Variants in NPFFR2 observed in about 807,000 individuals in gnomAD.
NPFFR2 encodes G-protein coupled receptor 74.
Under a neutral mutation model 13.1 loss-of-function variants are expected in NPFFR2, and 15 were observed. The ratio of observed to expected loss-of-function variants is 1.15; its 90% confidence interval spans 0.77 to 1.76. The LOEUF (loss-of-function observed/expected upper bound fraction) is 1.76, where lower values mean the gene tolerates loss of function less well. NPFFR2 is among the 40% of genes most tolerant of loss of function. The pLI, the probability that NPFFR2 is intolerant of heterozygous loss-of-function variation, is 0.00. For missense variants in NPFFR2, 572 were observed against 503.5 expected, an observed-to-expected ratio of 1.14 and a Z score of -1.30; for synonymous variants, 190 against 175.7, an observed-to-expected ratio of 1.08 and a Z score of -0.65.
At chr4:72,051,062 G>T (rs1310245014) in intron 1 of NPFFR2, among the ~76,000 whole-genome samples, 3 of 151,834 alleles carry the variant, frequency 2.0e-5, no homozygotes, top group South Asian at 2.1e-4. Flanking sequence ...GAATAGTGCC[G>T]CAATAAACAT....
chr4:72,059,833 T>C lies in NPFFR2; in HGVS notation c.-8+27633T>C, dbSNP rs115520352. 8.0e-3 allele frequency among the ~76,000 whole-genome samples: 1,218 copies of C among 152,260 alleles called. 8 individuals carry two copies. The highest frequency in any genetic ancestry group is 0.017 in the African/African-American group (705 of 41,566). On this transcript the variant is annotated intron_variant, in intron 1 of 3. Coordinates refer to ENST00000308744, the MANE Select transcript of NPFFR2 (RefSeq NM_004885.3). ...CAGACTCAGGCTAATGTTCTATTAT[T>C]ATCTGACCTCCGTAAGTCTCCGCTA...
intron 1 of NPFFR2, among the ~76,000 whole-genome samples, chr4:72,106,743 G>C (rs572741598): frequency 3.3e-5 from 5 of 151,960 alleles, no homozygotes; most frequent in Non-Finnish European, 7.4e-5. Context: ...AGCCAACGGG[G>C]CATCCTTGTT....
intron 1 of NPFFR2, among the ~76,000 whole-genome samples, chr4:72,083,181 A>T (rs1359861062): frequency 2.0e-5 from 3 of 152,150 alleles, no homozygotes; most frequent in Admixed American, 6.6e-5. Flanking sequence ...CGAGATACTG[A>T]TTTAATTTCC....
At chr4:72,124,454 A>G (rs1452473392) in intron 1 of NPFFR2, among the ~76,000 whole-genome samples, 3 of 152,112 alleles carry the variant, frequency 2.0e-5, no homozygotes, top group Non-Finnish European at 4.4e-5. Context: ...TTCTAAGCAA[A>G]AAGAACAAAG....
At chr4:72,073,977 C>T (rs538398508) in intron 1 of NPFFR2, among the ~76,000 whole-genome samples, 27 of 145,596 alleles carry the variant, frequency 1.9e-4, no homozygotes, top group Admixed American at 5.5e-4. Context: ...AAGAAAAAAG[C>T]TATAAGGCAT....
At chr4:72,106,827 T>C (rs373429390) in intron 1 of NPFFR2, among the ~76,000 whole-genome samples, 47 of 152,080 alleles carry the variant, frequency 3.1e-4, no homozygotes, top group African/African-American at 1.1e-3. Flanking sequence ...TAGAAATCAA[T>C]TAGAAAACTA....
At chr4:72,044,782 A>G (rs908139447) in intron 1 of NPFFR2, among the ~76,000 whole-genome samples, 1 of 151,656 alleles carries the variant, frequency 6.6e-6, no homozygotes, top group East Asian at 1.9e-4. Flanking sequence ...CATTCCTTGT[A>G]TATTCTGGAT....
chr4:72,077,783 AT>A (rs951099321), intron 1 of NPFFR2, among the ~76,000 whole-genome samples: 39 of 152,126 alleles, frequency 2.6e-4, no homozygotes, highest in African/African-American at 6.5e-4. Flanking sequence ...CTATTTTACT[AT>A]TTTTTTGTAT....
chr4:72,113,256 A>T (rs371190662), intron 1 of NPFFR2, among the ~76,000 whole-genome samples: 2,717 of 151,912 alleles, frequency 0.018, 87 homozygotes, highest in African/African-American at 0.062. Context: ...GAATTTGGAA[A>T]TTTTTTTTCT....
At chr4:72,042,958 C>G (rs909694491) in intron 1 of NPFFR2, among the ~76,000 whole-genome samples, 3 of 152,178 alleles carry the variant, frequency 2.0e-5, no homozygotes, top group African/African-American at 7.2e-5. Flanking sequence ...TTCATGGCAG[C>G]CCTCCCATCA....
intron 1 of NPFFR2, among the ~76,000 whole-genome samples, chr4:72,079,020 G>T (rs1323810350): frequency 6.7e-6 from 1 of 149,872 alleles, no homozygotes; most frequent in Non-Finnish European, 1.5e-5. Context: ...CATGGTCAAA[G>T]AATCTACATG....
intron 2 of NPFFR2, among the ~76,000 whole-genome samples, chr4:72,137,770 C>T (rs1469761585): frequency 6.6e-6 from 1 of 152,080 alleles, no homozygotes; most frequent in African/African-American, 2.4e-5. Flanking sequence ...CCTTCAAAAG[C>T]CTGTTGTGAG....
At chr4:72,137,824 ATG>A (rs1722465113) in intron 2 of NPFFR2, among the ~76,000 whole-genome samples, 1 of 152,214 alleles carries the variant, frequency 6.6e-6, no homozygotes, top group Non-Finnish European at 1.5e-5. Context: ...AGTGCCTGGA[ATG>A]TGATAACTAC....
intron 1 of NPFFR2, among the ~76,000 whole-genome samples, chr4:72,058,396 G>GT (rs919319037): frequency 1.4e-4 from 4 of 29,100 alleles, no homozygotes; most frequent in Non-Finnish European, 2.9e-4. Context: ...AAAATAAAAA[G>GT]TAAAAAAAAA....
At chr4:72,100,853 G>A (rs1298125464) in intron 1 of NPFFR2, among the ~76,000 whole-genome samples, 3 of 151,878 alleles carry the variant, frequency 2.0e-5, no homozygotes, top group African/African-American at 4.8e-5. Context: ...TTAGAAAAAC[G>A]AATAAATGGC....
intron 2 of NPFFR2, among the ~76,000 whole-genome samples, chr4:72,133,571 G>A (rs946366222): frequency 2.2e-4 from 33 of 152,262 alleles, no homozygotes; most frequent in African/African-American, 6.7e-4. Flanking sequence ...AATAGGGATA[G>A]CATGGAATCT....
rs34623356 is a variant in NPFFR2, at chr4:72,038,901, C to CTTTTTTTTTTTTTTTTTTTTTTTTT, written c.-8+6704_-8+6705insTTTTTTTTTTTTTTTTTTTTTTTTT. 2.3e-5 allele frequency among the ~76,000 whole-genome samples: 2 copies of CTTTTTTTTTTTTTTTTTTTTTTTTT among 86,918 alleles called. 1 individual carries two copies. The allele number at this position is 86,918 out of a possible 152,430, so 57.0% of individuals were successfully genotyped here. Reference sequence around the variant, plus strand: ...TTTTAATTCTTGATTTTTAAATTTCCTTTCTTTTTTTTTTTTTTTTTTTTT... The same window carrying CTTTTTTTTTTTTTTTTTTTTTTTTT: ...TTTTAATTCTTGATTTTTAAATTTCCTTTTTTTTTTTTTTTTTTTTTTTTTTTTCTTTTTTTTTTTTTTTTTTTTT... On this transcript the variant is annotated intron_variant, in intron 1 of 3. Transcript: ENST00000308744.
chr4:72,082,740 A>G (rs1042061649), intron 1 of NPFFR2, among the ~76,000 whole-genome samples: 1 of 152,148 alleles, frequency 6.6e-6, no homozygotes, highest in African/African-American at 2.4e-5. Flanking sequence ...TCGATGTACA[A>G]TAGATATCCA....
intron 1 of NPFFR2, among the ~76,000 whole-genome samples, chr4:72,088,084 G>A (rs530206114): frequency 5.3e-5 from 8 of 151,842 alleles, no homozygotes; most frequent in Non-Finnish European, 8.8e-5. Context: ...CTCAAATTCC[G>A]AGAGAGAGAG....
Sources: gnomAD v4.1 joint callset for allele counts (sites outside exome capture counted in the v4.1 genomes callset) on GRCh38, gnomAD v4.1.1 for gene constraint, MANE v1.5 for transcripts, NCBI Gene and HGNC (gene_info 2026-07-23, HGNC 2026-07-21) for gene names.